Variants in EIF4G3 observed in about 807,000 individuals in gnomAD.
EIF4G3 encodes the protein eukaryotic translation initiation factor 4 gamma 3, also known as eIF-4-gamma 3.
Under a neutral mutation model 186.4 loss-of-function variants are expected in EIF4G3, and 34 were observed. That is an observed-to-expected ratio of 0.18 (90% CI 0.14 to 0.24). The LOEUF is 0.24. Among genes scored for constraint, EIF4G3 ranks in the 10% least tolerant of loss-of-function variants. The pLI, the probability that EIF4G3 is intolerant of heterozygous loss-of-function variation, is 1.00. For synonymous variants in EIF4G3, 673 were observed against 679.5 expected, an observed-to-expected ratio of 0.99 and a Z score of 0.15; for missense variants, 1,536 against 1,948.5, an observed-to-expected ratio of 0.79 and a Z score of 3.99.
intron 15 of EIF4G3, among the ~76,000 whole-genome samples, chr1:20,902,705 A>G (rs1198541088): frequency 1.3e-5 from 2 of 152,196 alleles, no homozygotes; most frequent in African/African-American, 4.8e-5. Context: ...CACTGGCACA[A>G]TCTTGGCTCA....
chr1:21,104,233 T>G (rs1343369890), intron 2 of EIF4G3, among the ~76,000 whole-genome samples: 1 of 152,188 alleles, frequency 6.6e-6, no homozygotes, highest in Admixed American at 6.5e-5. Flanking sequence ...AAAGTCTTCT[T>G]GAAAGCACTA....
chr1:21,172,535 G>T (rs919070158), intron 2 of EIF4G3, among the ~76,000 whole-genome samples: 13 of 152,228 alleles, frequency 8.5e-5, no homozygotes, highest in African/African-American at 2.4e-4. Flanking sequence ...ATGGCAAAAT[G>T]TGGCAATCCT....
At chr1:21,098,706 A>T (rs2096446656) in intron 2 of EIF4G3, among the ~76,000 whole-genome samples, 1 of 152,160 alleles carries the variant, frequency 6.6e-6, no homozygotes, top group South Asian at 2.1e-4. Context: ...ACTGGAGTGC[A>T]GTTGCAGGAT....
chr1:20,938,170 T>A (rs1420225805), intron 14 of EIF4G3, among the ~76,000 whole-genome samples: 1 of 152,148 alleles, frequency 6.6e-6, no homozygotes, highest in Non-Finnish European at 1.5e-5. Flanking sequence ...AATTTTTGTA[T>A]TTTTAGTAGA....
chr1:21,030,267 T>G (rs1296162391), intron 4 of EIF4G3, among the ~76,000 whole-genome samples: 1 of 152,208 alleles, frequency 6.6e-6, no homozygotes, highest in South Asian at 2.1e-4. Context: ...TCTTGTAAGC[T>G]CCCATAATTC....
At chr1:21,097,534 G>A (rs1455504349) in intron 2 of EIF4G3, among the ~76,000 whole-genome samples, 2 of 152,126 alleles carry the variant, frequency 1.3e-5, no homozygotes, top group African/African-American at 4.8e-5. Flanking sequence ...AAACCAAAAG[G>A]AAGGGGGCAT....
chr1:21,053,118 T>C (rs1463483241), intron 3 of EIF4G3, among the ~76,000 whole-genome samples: 5 of 126,624 alleles, frequency 3.9e-5, no homozygotes, highest in Non-Finnish European at 5.0e-5. Flanking sequence ...CCGGCCGCCA[T>C]CCCATCTAGG....
chr1:21,128,854 G>A (rs1215747574), intron 2 of EIF4G3, among the ~76,000 whole-genome samples: 1 of 152,066 alleles, frequency 6.6e-6, no homozygotes, highest in Admixed American at 6.5e-5. Flanking sequence ...TTCTGCTTAG[G>A]AAAAAGAAAG....
chr1:21,083,431 G>A (rs1470243103), intron 3 of EIF4G3, among the ~76,000 whole-genome samples: 1 of 151,526 alleles, frequency 6.6e-6, no homozygotes, highest in Admixed American at 6.6e-5. Context: ...TCCCTCCTTG[G>A]CATGCCAAAG....
rs527857172 is a variant in EIF4G3, at chr1:21,156,380, C to T, written c.-272+19795G>A. Among the ~76,000 whole-genome samples the T allele has an allele frequency of 7.2e-5, 11 of 152,252 alleles. No homozygotes were observed. The South Asian group carries it at 2.3e-3, about 32-fold the overall frequency. The stretch of plus-strand genomic sequence containing the variant: ...AATAATCTTTGCTTTTCTCTTCCCT[C>T]TCTCCATTATGCTTATATTATCACA... On this transcript the variant is annotated intron_variant, in intron 2 of 36. Transcript: ENST00000602326.
intron 4 of EIF4G3, among the ~76,000 whole-genome samples, chr1:21,046,385 G>C (rs2154575938): frequency 6.6e-6 from 1 of 152,328 alleles, no homozygotes; most frequent in Non-Finnish European, 1.5e-5. Flanking sequence ...ACATACACAG[G>C]TGTGGTGAAG....
chr1:20,911,555 T>C (rs2093206942), intron 14 of EIF4G3, among the ~76,000 whole-genome samples: 1 of 78,532 alleles, frequency 1.3e-5, no homozygotes, highest in Non-Finnish European at 2.2e-5. Context: ...ACTGAGACCC[T>C]GCCTCAAAAA....
At chr1:20,825,758 G>C (rs901945724) in intron 32 of EIF4G3, among the ~76,000 whole-genome samples, 4 of 152,174 alleles carry the variant, frequency 2.6e-5, no homozygotes, top group African/African-American at 9.7e-5. Flanking sequence ...CTTCATAATA[G>C]ATCACAGCCA....
intron 6 of EIF4G3, chr1:20,999,866 G>C: frequency 2.9e-6 from 1 of 339,160 alleles, no homozygotes; most frequent in Non-Finnish European, 5.7e-6. Flanking sequence ...GTTAAAGAAG[G>C]GTCTTTAAGA....
At position 20,941,892 on chromosome 1, in the gene EIF4G3, T is replaced by G. The variant is rs776094380; in HGVS notation, c.1262A>C (p.Lys421Thr). 2 of 1,614,196 alleles carry G rather than the reference T, an allele frequency of 1.2e-6. No homozygotes were observed. The highest frequency in any genetic ancestry group is 2.2e-5 in the South Asian group (2 of 91,090). Reference protein sequence around the residue: ...LINEINGVSEKLSATESIVEI... With the variant: ...LINEINGVSETLSATESIVEI... ...CACAATGCTCTCCGTGGCTGATAAT[T>G]TTTCGCTAACTCCATTTATTTCATT... Residue 421 changes from lysine to threonine, a missense_variant, in exon 14 of 37, where the codon AAA becomes ACA. Around this residue, in one of 11 missense-constraint regions of EIF4G3, gnomAD observed 560 missense variants for 547.8 expected, o/e 1.02. Coordinates refer to ENST00000602326, the MANE Select transcript of EIF4G3 (RefSeq NM_001391906.1).
At chr1:20,865,291 T>C (rs752949055) in intron 20 of EIF4G3, 29 bp from the exon 21 acceptor site, 1 of 1,605,894 alleles carries the variant, frequency 6.2e-7, no homozygotes, top group Non-Finnish European at 8.5e-7. Context: ...ATAAAAAAAA[T>C]CAACAAGATT....
chr1:20,920,282 T>C lies in EIF4G3; in HGVS notation c.1664-15311A>G, dbSNP rs996683980. On this transcript the variant is annotated intron_variant, in intron 14 of 36. Coordinates refer to ENST00000602326, the MANE Select transcript of EIF4G3 (RefSeq NM_001391906.1). ...TAAAATAGGCAATTTATGTTTTAAA[T>C]CACATATTTCAAGTAGACAAATTCC... Among the ~76,000 whole-genome samples, 9 of 152,354 alleles carry C rather than the reference T, an allele frequency of 5.9e-5. No individual in the cohort carries two copies. The South Asian group carries it at 1.0e-3, about 18-fold the overall frequency.
chr1:20,981,748 A>G (rs373289632), intron 8 of EIF4G3, among the ~76,000 whole-genome samples: 3 of 148,058 alleles, frequency 2.0e-5, no homozygotes, highest in East Asian at 2.0e-4. Context: ...ATATACACAT[A>G]CATATATGTA....
intron 4 of EIF4G3, among the ~76,000 whole-genome samples, chr1:21,015,657 CTG>C (rs1346930692): frequency 6.7e-6 from 1 of 149,892 alleles, no homozygotes; most frequent in Non-Finnish European, 1.5e-5. Context: ...CAAGATCAAA[CTG>C]AATCATGACA....
Sources: allele counts gnomAD v4.1 joint callset (sites outside exome capture counted in the v4.1 genomes callset), GRCh38; gene constraint gnomAD v4.1.1; regional missense constraint gnomAD v4.1.1; transcripts MANE v1.5; gene names NCBI Gene and HGNC (gene_info 2026-07-23, HGNC 2026-07-21).